Variants in COLEC10 observed in about 807,000 individuals in gnomAD.
The protein encoded by COLEC10 is collectin subfamily member 10, also known as collectin-10.
In COLEC10, 22 loss-of-function variants were observed where a neutral mutation model predicts 28.4. The ratio of observed to expected loss-of-function variants is 0.78; its 90% CI spans 0.55 to 1.11. The LOEUF (loss-of-function observed/expected upper bound fraction) is 1.11. Ranked by LOEUF, COLEC10 falls within the 50% of genes least tolerant of loss-of-function variation. The pLI is 0.00. For synonymous variants in COLEC10, 125 were observed against 116.1 expected (o/e 1.08, Z -0.49); for missense variants, 361 against 344.1 (o/e 1.05, Z -0.39).
intron 1 of COLEC10, among the ~76,000 whole-genome samples, chr8:119,008,480 A>AT (rs5894470): frequency 0.48 from 70,259 of 145,328 alleles, 17,733 homozygotes; most frequent in Middle Eastern, 0.63. Context: ...TTTACTTTTT[A>AT]TTTTTTTTTT....
At chr8:119,028,246 C>T (rs77048332) in intron 2 of COLEC10, among the ~76,000 whole-genome samples, 3,739 of 152,174 alleles carry the variant, frequency 0.025, 111 homozygotes, top group East Asian at 0.16. Context: ...AGATTTGATA[C>T]ATATCATATA....
intron 2 of COLEC10, among the ~76,000 whole-genome samples, chr8:119,032,336 G>A (rs761345013): frequency 6.6e-6 from 1 of 152,148 alleles, no homozygotes; most frequent in Non-Finnish European, 1.5e-5. Context: ...ATTACGAAGT[G>A]TTCATTCTGG....
the COLEC10 span, among the ~76,000 whole-genome samples, chr8:118,959,980 G>A: frequency 2.8e-4 from 43 of 152,200 alleles, no homozygotes; most frequent in Non-Finnish European, 5.3e-4. Context: ...TTAGAGATAC[G>A]AAGGATATAT....
intron 1 of COLEC10, among the ~76,000 whole-genome samples, chr8:118,997,429 C>A (rs1406132924): frequency 1.3e-5 from 2 of 152,096 alleles, no homozygotes; most frequent in African/African-American, 4.8e-5. Context: ...CATAGAAGTT[C>A]TAAAGTTTCA....
chr8:119,058,719 T>C (rs899742314), intron 2 of COLEC10, among the ~76,000 whole-genome samples: 2 of 152,110 alleles, frequency 1.3e-5, no homozygotes, highest in Admixed American at 6.6e-5. Context: ...GATGCTGTTA[T>C]GAACATTTAT....
intron 3 of COLEC10, among the ~76,000 whole-genome samples, chr8:119,093,693 G>A (rs1463038531): frequency 6.6e-6 from 1 of 152,162 alleles, no homozygotes; most frequent in Non-Finnish European, 1.5e-5. Flanking sequence ...AGGCTTTTAA[G>A]ACATATTTCT....
chr8:119,064,677 C>T (rs1264036290), upstream of COLEC10, among the ~76,000 whole-genome samples: 1 of 152,134 alleles, frequency 6.6e-6, no homozygotes, highest in Non-Finnish European at 1.5e-5. Flanking sequence ...ACAAATGCAT[C>T]CACTTTGGAC....
At chr8:119,087,257 A>C (rs531916966) in intron 1 of COLEC10, among the ~76,000 whole-genome samples, 3 of 152,186 alleles carry the variant, frequency 2.0e-5, no homozygotes, top group Admixed American at 2.0e-4. Flanking sequence ...TTATGATCCC[A>C]CCATGCTTTG....
the COLEC10 span, among the ~76,000 whole-genome samples, chr8:118,956,589 G>C: frequency 6.6e-6 from 1 of 152,266 alleles, no homozygotes; most frequent in South Asian, 2.1e-4. Flanking sequence ...CAGAAACTCA[G>C]ATAGTCATCT....
intron 2 of COLEC10, among the ~76,000 whole-genome samples, chr8:119,032,823 A>G (rs560494565): frequency 6.6e-6 from 1 of 152,272 alleles, no homozygotes; most frequent in East Asian, 1.9e-4. Flanking sequence ...AATGGCATGA[A>G]CCTGGGAGGC....
rs374274374 is a variant in COLEC10 at position 119,002,243 on chromosome 8, A to G, written n.122+6670A>G. ...TAACTTTCATTTAAAATATGCTTCA[A>G]AAGTGTAATAGAAAAATATTTAGAA... On this transcript the variant is annotated intron_variant and non_coding_transcript_variant, in intron 1 of 6. Transcript: ENST00000521788. 1.7e-4 allele frequency among the ~76,000 whole-genome samples: 26 copies of G among 152,258 alleles called. No individual in the cohort carries two copies. The East Asian group carries it at 4.1e-3, about 24-fold the overall frequency.
chr8:119,033,931 C>T (rs147026302), intron 2 of COLEC10, among the ~76,000 whole-genome samples: 8,205 of 152,202 alleles, frequency 0.054, 279 homozygotes, highest in South Asian at 0.14. Flanking sequence ...ACTATAAAGA[C>T]ACATGCACAT....
chr8:119,046,901 G>T (rs1587017533), intron 2 of COLEC10, among the ~76,000 whole-genome samples: 1 of 152,242 alleles, frequency 6.6e-6, no homozygotes, highest in East Asian at 1.9e-4. Flanking sequence ...TCATAGGCTA[G>T]TCGGTGGTCC....
chr8:119,105,749 C>A, intron 5 of COLEC10, 51 bp from the exon 6 acceptor site: 2 of 1,477,228 alleles, frequency 1.4e-6, no homozygotes, highest in Non-Finnish European at 1.8e-6. Context: ...AATTTTGTTG[C>A]CTTTTATCTT....
chr8:119,066,880 A>G (rs1814974594), upstream of COLEC10, among the ~76,000 whole-genome samples: 1 of 152,218 alleles, frequency 6.6e-6, no homozygotes, highest in Admixed American at 6.5e-5. Context: ...CGGTGTTTGC[A>G]TAACATGTTG....
At chr8:119,049,401 CTTTTTTTTTTTTT>C (rs34885340) in intron 2 of COLEC10, among the ~76,000 whole-genome samples, 13 of 60,072 alleles carry the variant, frequency 2.2e-4, no homozygotes, top group African/African-American at 3.7e-4. Context: ...ATTTTCTTTT[CTTTTTTTTTTTTT>C]TTTTTTTTTT....
At chr8:119,019,199 C>A (rs1290826881) in intron 2 of COLEC10, among the ~76,000 whole-genome samples, 3 of 152,158 alleles carry the variant, frequency 2.0e-5, no homozygotes, top group African/African-American at 7.2e-5. Context: ...CAAAACACAT[C>A]TCCAGTTTTA....
At chr8:118,999,407 A>G (rs1308162673) in intron 1 of COLEC10, among the ~76,000 whole-genome samples, 1 of 152,060 alleles carries the variant, frequency 6.6e-6, no homozygotes, top group African/African-American at 2.4e-5. Context: ...CCTGGTCAAC[A>G]TGGTGAAACC....
intron 1 of COLEC10, among the ~76,000 whole-genome samples, chr8:119,079,034 CACACACACACCA>C (rs1382467479): frequency 2.1e-5 from 2 of 95,226 alleles, no homozygotes; most frequent in Admixed American, 2.0e-4. Flanking sequence ...CACACACACA[CACACACACACCA>C]ACCAGGATGT....
Sources: gnomAD v4.1 joint callset for allele counts (sites outside exome capture counted in the v4.1 genomes callset) on GRCh38, gnomAD v4.1.1 for gene constraint, MANE v1.5 for transcripts, NCBI Gene and HGNC (gene_info 2026-07-23, HGNC 2026-07-21) for gene names.